Variants in DOCK5 observed in about 807,000 individuals in gnomAD.
DOCK5 encodes dedicator of cytokinesis 5.
Under a neutral mutation model 251.8 loss-of-function variants are expected in DOCK5, and 142 were observed. The ratio of observed to expected loss-of-function variants is 0.56; its 90% CI spans 0.49 to 0.65. The LOEUF is 0.65. Ranked by LOEUF, DOCK5 falls within the 30% of genes least tolerant of loss-of-function variation. DOCK5 has a pLI of 0.00. For missense variants in DOCK5, 2,111 were observed against 2,312.3 expected (o/e 0.91, Z 1.79); for synonymous variants, 842 against 835.5 (o/e 1.01, Z -0.13).
intron 1 of DOCK5, among the ~76,000 whole-genome samples, chr8:25,194,864 A>C (rs918403594): frequency 1.3e-5 from 2 of 151,962 alleles, no homozygotes; most frequent in Admixed American, 6.6e-5. Context: ...ACTGCTGCTG[A>C]TGTTTCCATT....
At chr8:25,206,033 G>A (rs1343151137) in intron 1 of DOCK5, among the ~76,000 whole-genome samples, 2 of 152,176 alleles carry the variant, frequency 1.3e-5, no homozygotes, top group African/African-American at 4.8e-5. Flanking sequence ...TCCAGTTGGG[G>A]TTATTGGAGT....
chr8:25,218,364 A>G (rs1218592843), intron 1 of DOCK5, among the ~76,000 whole-genome samples: 1 of 152,160 alleles, frequency 6.6e-6, no homozygotes, highest in Non-Finnish European at 1.5e-5. Context: ...GGGTGGCCGC[A>G]GAGCTCAGCT....
intron 1 of DOCK5, among the ~76,000 whole-genome samples, chr8:25,186,183 T>C (rs1801426713): frequency 6.6e-6 from 1 of 152,104 alleles, no homozygotes; most frequent in Non-Finnish European, 1.5e-5. Context: ...GTCTCATATT[T>C]ACTATATTAT....
intron 1 of DOCK5, among the ~76,000 whole-genome samples, chr8:25,227,360 A>C (rs1178674101): frequency 6.6e-6 from 1 of 151,140 alleles, no homozygotes; most frequent in East Asian, 2.0e-4. Flanking sequence ...AAAGATAGGG[A>C]GTCTAATTTT....
chr8:25,228,868 T>C lies in DOCK5; in HGVS notation c.44-14806T>C, dbSNP rs200765982. Among the ~76,000 whole-genome samples, 14 of 152,314 alleles carry C rather than the reference T, an allele frequency of 9.2e-5. No individual in the cohort carries two copies. In the East Asian group the frequency reaches 2.7e-3, roughly 29 times the overall value. ...TTAGAGAATTGAACTCTTCGTAAGA[T>C]TACTTTTTTTCCTACAGGAACATGA... On this transcript the variant is annotated intron_variant, in intron 1 of 51. Transcript: ENST00000276440.
At chr8:25,203,936 A>G (rs1019975653) in intron 1 of DOCK5, among the ~76,000 whole-genome samples, 2 of 148,908 alleles carry the variant, frequency 1.3e-5, no homozygotes, top group Admixed American at 6.9e-5. Context: ...TCCTCAACAA[A>G]TACAGATGGA....
chr8:25,318,478 A>G (rs1184863649), intron 14 of DOCK5, among the ~76,000 whole-genome samples: 1 of 65,392 alleles, frequency 1.5e-5, no homozygotes, highest in Admixed American at 1.7e-4. Context: ...TCTCCTCTCC[A>G]CTCCCCTCCC....
intron 45 of DOCK5, among the ~76,000 whole-genome samples, chr8:25,396,638 A>C (rs2117328162): frequency 6.6e-6 from 1 of 152,238 alleles, no homozygotes; most frequent in South Asian, 2.1e-4. Flanking sequence ...TTTGAATATA[A>C]ACTTTTTGGA....
chr8:25,235,550 G>A (rs551139879), intron 1 of DOCK5, among the ~76,000 whole-genome samples: 16 of 152,216 alleles, frequency 1.1e-4, no homozygotes, highest in African/African-American at 3.9e-4. Context: ...GAGCCACTAT[G>A]CTGGGCCTTT....
chr8:25,275,440 G>A lies in DOCK5; in HGVS notation c.223G>A (p.Gly75Arg). Residue 75 changes from glycine to arginine, a missense_variant and splice_region_variant, in exon 4 of 52, where the codon GGG becomes AGG. By Grantham distance (125) the Gly-to-Arg change is moderately radical. Transcript: ENST00000276440. ...HLKEATVEDL[G>R]QHETVIPGEL... ...GAAAGAGGCAACTGTGGAAGACCTG[G>A]GGTAAGTTCCAAGCTAGGAAGATTC... 2 of 1,609,786 alleles carry A rather than the reference G, an allele frequency of 1.2e-6. No individual in the cohort carries two copies. The highest frequency in any genetic ancestry group is 1.7e-6 in the Non-Finnish European group (2 of 1,178,486).
At chr8:25,362,548 C>A (rs190150219) in intron 28 of DOCK5, among the ~76,000 whole-genome samples, 4 of 147,044 alleles carry the variant, frequency 2.7e-5, no homozygotes, top group African/African-American at 1.0e-4. Context: ...CTCACTGCAA[C>A]CTCTGCCTCC....
chr8:25,395,825 A>G, intron 45 of DOCK5, 106 bp downstream of exon 45: 1 of 1,282,958 alleles, frequency 7.8e-7, no homozygotes, highest in Non-Finnish European at 1.1e-6. Context: ...AGCTGCTCTA[A>G]GAAATGTTCA....
chr8:25,336,109 A>G, intron 21 of DOCK5, 130 bp from the exon 22 acceptor site: 1 of 1,007,470 alleles, frequency 9.9e-7, no homozygotes. Context: ...TGTTCAGGGC[A>G]TATTCTAGAA....
intron 5 of DOCK5, among the ~76,000 whole-genome samples, chr8:25,287,899 T>C (rs1804380865): frequency 6.6e-6 from 1 of 151,848 alleles, no homozygotes. Context: ...TTTTTTTTTT[T>C]TTTGAGATGG....
At chr8:25,406,835 C>T (rs1801531996) in intron 48 of DOCK5, among the ~76,000 whole-genome samples, 1 of 151,952 alleles carries the variant, frequency 6.6e-6, no homozygotes, top group African/African-American at 2.4e-5. Context: ...ACCGTATTGG[C>T]CAGGCTGGTC....
chr8:25,247,259 A>T (rs1046808322), intron 2 of DOCK5, among the ~76,000 whole-genome samples: 1 of 152,086 alleles, frequency 6.6e-6, no homozygotes, highest in African/African-American at 2.4e-5. Flanking sequence ...TATTTCTAAG[A>T]AATAGTTAAT....
Position 25,373,526 on chromosome 8 carries a change from C to T in DOCK5, c.3685-92C>T, listed in dbSNP as rs577371288. On this transcript the variant is annotated intron_variant, in intron 35 of 51. Transcript: ENST00000276440. ...CAGTGATCTCTTTGGAAAAGTGAAA[C>T]TTTTGAAAAGCAACAATAGTGGTTT... is the stretch of plus-strand genomic sequence containing the variant. 4.8e-6 allele frequency: 6 copies of T among 1,245,312 alleles called. No homozygotes were observed. In the South Asian group the frequency reaches 5.5e-5, roughly 11 times the overall value. The allele number at this position is 1,245,312 out of a possible 1,614,324, so 77.1% of individuals were successfully genotyped here. A position where few individuals can be genotyped will look rare whatever the true frequency, so the allele number is the denominator to read the frequency against.
rs376829977 is a variant in DOCK5, at chr8:25,295,229, A to G, written c.471-1284A>G. Among the ~76,000 whole-genome samples, 11 of 152,130 alleles carry G rather than the reference A, an allele frequency of 7.2e-5. No homozygotes were observed. The East Asian group carries it at 1.7e-3, about 24-fold the overall frequency. ...CGAAGTGGGAGGCTCACTTGAAGCC[A>G]GGAGTTCAAGACTAGCCTGGGCAAC... On this transcript the variant is annotated intron_variant, in intron 6 of 51. Coordinates refer to ENST00000276440, the MANE Select transcript of DOCK5 (RefSeq NM_024940.8).
intron 26 of DOCK5, among the ~76,000 whole-genome samples, chr8:25,347,138 T>C (rs1311936204): frequency 6.6e-6 from 1 of 152,246 alleles, no homozygotes; most frequent in Admixed American, 6.5e-5. Flanking sequence ...ACTACACCTT[T>C]TCCCATAGCT....
Sources: allele counts gnomAD v4.1 joint callset (sites outside exome capture counted in the v4.1 genomes callset), GRCh38; gene constraint gnomAD v4.1.1; transcripts MANE v1.5; gene names NCBI Gene and HGNC (gene_info 2026-07-23, HGNC 2026-07-21).